Variants in SDK1 observed in about 807,000 individuals in gnomAD.
SDK1 encodes sidekick cell adhesion molecule 1, also known as protein sidekick-1.
SDK1 carries 157 observed loss-of-function variants against 245.5 expected under a neutral mutation model. That is an observed-to-expected ratio of 0.64 (90% confidence interval 0.56 to 0.73). The LOEUF (loss-of-function observed/expected upper bound fraction) is 0.73. Among genes scored for constraint, SDK1 ranks in the 30% least tolerant of loss-of-function variants. The pLI is 0.00. For missense variants in SDK1, 3,583 were observed against 3,002.3 expected, an observed-to-expected ratio of 1.19 and a Z score of -4.52; for synonymous variants, 1,647 against 1,278.5, an observed-to-expected ratio of 1.29 and a Z score of -6.15.
chr7:3,367,673 C>T (rs566490984), intron 1 of SDK1, among the ~76,000 whole-genome samples: 46 of 152,276 alleles, frequency 3.0e-4, no homozygotes, highest in Middle Eastern at 3.4e-3. Context: ...GAGTCTAGAC[C>T]ATTTATAACT....
intron 22 of SDK1, among the ~76,000 whole-genome samples, chr7:4,082,552 A>C (rs1179521525): frequency 6.7e-6 from 1 of 150,372 alleles, no homozygotes; most frequent in Admixed American, 6.6e-5. Context: ...AAAAAAAAAG[A>C]AAAGAAAAGA....
At chr7:3,755,446 A>T (rs1420953876) in intron 4 of SDK1, among the ~76,000 whole-genome samples, 1 of 152,142 alleles carries the variant, frequency 6.6e-6, no homozygotes, top group African/African-American at 2.4e-5. Flanking sequence ...AGTCCGCCTC[A>T]CTGGATACTG....
chr7:4,046,142 A>C (rs1054087797), intron 17 of SDK1, among the ~76,000 whole-genome samples: 3 of 150,046 alleles, frequency 2.0e-5, no homozygotes, highest in African/African-American at 4.9e-5. Context: ...GGGTCTCACT[A>C]TGTTGCCCAG....
At chr7:3,360,499 G>C (rs1256454619) in intron 1 of SDK1, among the ~76,000 whole-genome samples, 1 of 152,190 alleles carries the variant, frequency 6.6e-6, no homozygotes, top group Non-Finnish European at 1.5e-5. Flanking sequence ...TTTGTGGGCG[G>C]AGTGGATTCT....
At position 4,265,694 on chromosome 7, in the gene SDK1, TGGGTTTC is replaced by T; in HGVS notation, c.*311_*317del. 1.7e-6 allele frequency: 2 copies of T among 1,144,762 alleles called. No homozygotes were observed. Among genetic ancestry groups the T allele is most frequent in the Non-Finnish European group, 2.1e-6 (2 of 936,246 alleles). 70.9% of individuals were successfully genotyped at this position (1,144,762 alleles called of 1,614,324 possible). On this transcript the variant is annotated 3_prime_UTR_variant, in exon 45 of 45. Transcript: ENST00000404826. Reference sequence around the variant, plus strand: ...GGAGGACCTCAGACCTCCCCAGCCCTGGGTTTCTCCGTCTTCAAGACCAACTAGGAAG... The same window carrying T: ...GGAGGACCTCAGACCTCCCCAGCCCTTCCGTCTTCAAGACCAACTAGGAAG...
chr7:4,074,886 G>GTATATATATATATATATA, intron 20 of SDK1, among the ~76,000 whole-genome samples: 1 of 48,110 alleles, frequency 2.1e-5, no homozygotes, highest in South Asian at 9.8e-4. Context: ...CTCTCTCTCT[G>GTATATATATATATATATA]TATATATATA....
intron 40 of SDK1, among the ~76,000 whole-genome samples, chr7:4,222,405 C>G (rs910801918): frequency 6.6e-6 from 1 of 152,198 alleles, no homozygotes; most frequent in African/African-American, 2.4e-5. Context: ...AGCAATTCTC[C>G]TGCCTCAGCC....
intron 22 of SDK1, among the ~76,000 whole-genome samples, chr7:4,104,972 TG>T (rs1199469032): frequency 1.3e-5 from 2 of 152,020 alleles, no homozygotes; most frequent in African/African-American, 4.8e-5. Context: ...TCCCAGGAGC[TG>T]TGTTTTTATT....
At chr7:3,640,326 A>T (rs1782610026) in intron 3 of SDK1, among the ~76,000 whole-genome samples, 1 of 152,224 alleles carries the variant, frequency 6.6e-6, no homozygotes, top group Non-Finnish European at 1.5e-5. Context: ...CTCATTTGTC[A>T]TTTTAACCCC....
rs117147019 is a variant in SDK1, at chr7:3,429,094, T to C, written c.298+127210T>C. On this transcript the variant is annotated intron_variant, in intron 1 of 44. Transcript: ENST00000404826. ...AGTAAGTAGTCAAATTTGAAAGTTG[T>C]AAGATACAATCCAGCTTCTGCAATA... Among the ~76,000 whole-genome samples, 7 of 152,302 alleles carry C rather than the reference T, an allele frequency of 4.6e-5. No individual in the cohort carries two copies. In the East Asian group the frequency reaches 1.4e-3, roughly 29 times the overall value.
intron 1 of SDK1, among the ~76,000 whole-genome samples, chr7:3,547,228 A>G (rs1347215893): frequency 6.6e-6 from 1 of 152,350 alleles, no homozygotes; most frequent in East Asian, 1.9e-4. Context: ...GTGCTTTGAT[A>G]GCCACATATT....
At chr7:3,792,704 C>A (rs1056924153) in intron 4 of SDK1, among the ~76,000 whole-genome samples, 2 of 148,294 alleles carry the variant, frequency 1.3e-5, no homozygotes, top group Non-Finnish European at 2.9e-5. Flanking sequence ...ATCCATCCAT[C>A]CATCCATCCA....
chr7:3,580,432 T>C (rs1562577829), intron 1 of SDK1, among the ~76,000 whole-genome samples: 1 of 152,136 alleles, frequency 6.6e-6, no homozygotes, highest in Non-Finnish European at 1.5e-5. Context: ...ATGGTACTTG[T>C]ACAAAGACAG....
intron 1 of SDK1, among the ~76,000 whole-genome samples, chr7:3,317,937 T>C (rs982782265): frequency 2.0e-5 from 3 of 152,314 alleles, no homozygotes; most frequent in African/African-American, 7.2e-5. Flanking sequence ...GTAGGTTAAA[T>C]TCATACCATA....
intron 1 of SDK1, among the ~76,000 whole-genome samples, chr7:3,434,654 C>T (rs997916549): frequency 3.3e-5 from 5 of 152,264 alleles, no homozygotes; most frequent in East Asian, 1.9e-4. Context: ...GGGGTTTCAG[C>T]CCAAGCCAAC....
At chr7:3,436,578 T>A (rs964394223) in intron 1 of SDK1, among the ~76,000 whole-genome samples, 3 of 152,134 alleles carry the variant, frequency 2.0e-5, no homozygotes, top group African/African-American at 7.2e-5. Flanking sequence ...AAATGAAAAA[T>A]TTTAAATAGA....
At chr7:3,313,460 T>C (rs999302025) in intron 1 of SDK1, among the ~76,000 whole-genome samples, 9 of 152,216 alleles carry the variant, frequency 5.9e-5, no homozygotes, top group African/African-American at 2.2e-4. Context: ...GATTAGTAGT[T>C]GGAACTACTA....
At chr7:3,615,454 G>C (rs1477227878) in intron 1 of SDK1, among the ~76,000 whole-genome samples, 1 of 151,700 alleles carries the variant, frequency 6.6e-6, no homozygotes, top group Non-Finnish European at 1.5e-5. Context: ...ACAGGACAAG[G>C]CTCGACAACT....
At chr7:3,975,145 C>G (rs557304768) in intron 13 of SDK1, among the ~76,000 whole-genome samples, 3 of 152,332 alleles carry the variant, frequency 2.0e-5, no homozygotes, top group African/African-American at 7.2e-5. Flanking sequence ...CTCTCTTTCT[C>G]CCTCCACTCC....
Sources: gnomAD v4.1 joint callset for allele counts (sites outside exome capture counted in the v4.1 genomes callset) on GRCh38, gnomAD v4.1.1 for gene constraint, MANE v1.5 for transcripts, NCBI Gene and HGNC (gene_info 2026-07-23, HGNC 2026-07-21) for gene names.